Variants in RASSF3 observed in about 807,000 individuals in gnomAD.
RASSF3 encodes Ras association domain family member 3.
RASSF3 carries 19 observed loss-of-function variants against 19.9 expected under a neutral mutation model. The ratio of observed to expected loss-of-function variants is 0.96; its 90% confidence interval spans 0.67 to 1.40. The LOEUF (loss-of-function observed/expected upper bound fraction) is 1.40, where lower values mean the gene tolerates loss of function less well. Among genes scored for constraint, RASSF3 ranks in the 40% most tolerant of loss-of-function variants. The pLI is 0.00. For synonymous variants in RASSF3, 110 were observed against 104.2 expected, an observed-to-expected ratio of 1.06 and a Z score of -0.34; for missense variants, 306 against 289.8, an observed-to-expected ratio of 1.06 and a Z score of -0.41.
chr12:64,548,151 A>G (rs1035092927), intron 2 of RASSF3, among the ~76,000 whole-genome samples: 5 of 151,904 alleles, frequency 3.3e-5, no homozygotes, highest in Non-Finnish European at 7.4e-5. Context: ...TAACAATTCT[A>G]CTTCATATCT....
At chr12:64,558,163 C>T (rs1441818325) in intron 2 of RASSF3, among the ~76,000 whole-genome samples, 1 of 152,176 alleles carries the variant, frequency 6.6e-6, no homozygotes, top group Non-Finnish European at 1.5e-5. Flanking sequence ...GACAGTTGGA[C>T]ATTCAAAGTC....
intron 2 of RASSF3, among the ~76,000 whole-genome samples, chr12:64,548,076 C>T (rs900155849): frequency 1.3e-5 from 2 of 152,122 alleles, no homozygotes; most frequent in African/African-American, 4.8e-5. Flanking sequence ...ATGTTTCCTG[C>T]CGCTCTATAT....
chr12:64,627,137 G>T (rs1473769981), intron 1 of RASSF3, among the ~76,000 whole-genome samples: 1 of 152,168 alleles, frequency 6.6e-6, no homozygotes, highest in Non-Finnish European at 1.5e-5. Flanking sequence ...GCAATCACAG[G>T]TGTGTTTAGA....
chr12:64,658,707 A>G (rs146429716), intron 1 of RASSF3, among the ~76,000 whole-genome samples: 2 of 152,320 alleles, frequency 1.3e-5, no homozygotes, highest in African/African-American at 2.4e-5. Flanking sequence ...AGGCTGAGGC[A>G]TGAGAATTGC....
At chr12:64,673,716 C>A (rs1872780237) in intron 1 of RASSF3, among the ~76,000 whole-genome samples, 1 of 152,068 alleles carries the variant, frequency 6.6e-6, no homozygotes, top group Non-Finnish European at 1.5e-5. Context: ...ACATAGCTCA[C>A]CTAGAATTTG....
intron 1 of RASSF3, among the ~76,000 whole-genome samples, chr12:64,638,476 A>G (rs564032602): frequency 6.6e-6 from 1 of 151,090 alleles, no homozygotes; most frequent in African/African-American, 2.4e-5. Flanking sequence ...GCTACTCGGG[A>G]GGCTGAGGCA....
rs569967707 is a variant in RASSF3, at chr12:64,684,723, G to A, written c.112-64G>A. Reference sequence around the variant, plus strand: ...TGGGATTACAGGCGTGAGCCACTGCGCCCGGCCTATCCGCACTTTTTTTTA... The same window carrying A: ...TGGGATTACAGGCGTGAGCCACTGCACCCGGCCTATCCGCACTTTTTTTTA... On this transcript the variant is annotated intron_variant, in intron 1 of 4. Transcript: ENST00000542104. 5.8e-5 allele frequency: 64 copies of A among 1,102,804 alleles called. No individual in the cohort carries two copies. In the Admixed American group the frequency reaches 6.4e-4, roughly 11 times the overall value. The allele number at this position is 1,102,804 out of a possible 1,614,324, so 68.3% of individuals were successfully genotyped here.
rs188970473 is a variant in RASSF3, at chr12:64,691,344, G to A, written c.458-126G>A. The A allele has an allele frequency of 1.1e-3, 745 of 667,880 alleles. 5 individuals are homozygous for A. Among genetic ancestry groups the A allele is most frequent in the African/African-American group, 7.9e-3 (443 of 56,014 alleles). 41.4% of individuals were successfully genotyped at this position (667,880 alleles called of 1,614,324 possible). A position where few individuals can be genotyped will look rare whatever the true frequency, so the allele number is the denominator to read the frequency against. On this transcript the variant is annotated intron_variant, in intron 3 of 4. Coordinates refer to ENST00000542104, the MANE Select transcript of RASSF3 (RefSeq NM_178169.4). ...CTGGTATTAAATAATAAGATGAGCC[G>A]ACTGGCGACTTAGAGGCTGGGGTAA...
At chr12:64,604,904 C>G (rs979791117) in intron 2 of RASSF3, among the ~76,000 whole-genome samples, 1 of 151,610 alleles carries the variant, frequency 6.6e-6, no homozygotes, top group Non-Finnish European at 1.5e-5. Context: ...GGATTACAGG[C>G]GTGAGCCACC....
At chr12:64,565,645 G>A (rs1028669522) in intron 2 of RASSF3, among the ~76,000 whole-genome samples, 2 of 152,206 alleles carry the variant, frequency 1.3e-5, no homozygotes, top group African/African-American at 2.4e-5. Flanking sequence ...CCTGGGAGGC[G>A]GAGGTTGCAG....
rs565076936 is a variant in RASSF3, at chr12:64,566,115, C to T, written c.294+24410C>T. Among the ~76,000 whole-genome samples, 6 of 151,610 alleles carry T rather than the reference C, an allele frequency of 4.0e-5. No homozygotes were observed. In the East Asian group the frequency reaches 5.9e-4, roughly 15 times the overall value. ...ACTCAGGAGGCTGAGGCAGGAGAAT[C>T]GTTTGGACCCGGGAGGCAGAGGTTG... On this transcript the variant is annotated intron_variant, in intron 2 of 5. Transcript: ENST00000637125.
At chr12:64,633,310 G>A (rs921425811) in intron 1 of RASSF3, among the ~76,000 whole-genome samples, 1 of 152,190 alleles carries the variant, frequency 6.6e-6, no homozygotes, top group Non-Finnish European at 1.5e-5. Context: ...GATCCACAAT[G>A]TTGGAGTTGG....
At chr12:64,580,277 A>T (rs1869669919) in intron 2 of RASSF3, among the ~76,000 whole-genome samples, 2 of 152,204 alleles carry the variant, frequency 1.3e-5, no homozygotes, top group Admixed American at 1.3e-4. Flanking sequence ...GAGTTATAAG[A>T]AGCTTAAAAA....
chr12:64,611,055 T>A (rs1239644391), intron 1 of RASSF3, among the ~76,000 whole-genome samples: 1 of 152,096 alleles, frequency 6.6e-6, no homozygotes, highest in African/African-American at 2.4e-5. Flanking sequence ...CCAGCAGGCG[T>A]CCCCGGGCCA....
intron 2 of RASSF3, among the ~76,000 whole-genome samples, chr12:64,593,106 G>C (rs1869949439): frequency 6.6e-6 from 1 of 152,092 alleles, no homozygotes; most frequent in South Asian, 2.1e-4. Flanking sequence ...ACACATTTTA[G>C]AGCACAGTGC....
intron 2 of RASSF3, among the ~76,000 whole-genome samples, chr12:64,588,577 A>G (rs1178531364): frequency 6.6e-6 from 1 of 151,840 alleles, no homozygotes; most frequent in Non-Finnish European, 1.5e-5. Context: ...AAATATATCT[A>G]TTATTAAAAA....
exon 1 of RASSF3, chr12:64,507,090 C>T (rs561190846): frequency 1.2e-4 from 48 of 397,782 alleles, no homozygotes; most frequent in African/African-American, 9.6e-4. Flanking sequence ...ACAGGTGGTC[C>T]CCAGACATAT....
intron 1 of RASSF3, among the ~76,000 whole-genome samples, chr12:64,537,007 G>A (rs1412275755): frequency 6.6e-6 from 1 of 152,208 alleles, no homozygotes; most frequent in African/African-American, 2.4e-5. Flanking sequence ...CACATCTCCT[G>A]TGCTGGATTC....
chr12:64,615,677 T>C (rs1388662331), intron 1 of RASSF3, among the ~76,000 whole-genome samples: 2 of 149,410 alleles, frequency 1.3e-5, no homozygotes, highest in Admixed American at 6.6e-5. Flanking sequence ...ACTAGCCTTT[T>C]TCTTTTTTTT....
Sources: gnomAD v4.1 joint callset for allele counts (sites outside exome capture counted in the v4.1 genomes callset) on GRCh38, gnomAD v4.1.1 for gene constraint, MANE v1.5 for transcripts, NCBI Gene and HGNC (gene_info 2026-07-23, HGNC 2026-07-21) for gene names.